MYOT: variants seen among roughly 807,000 people sequenced by gnomAD.
MYOT encodes the protein myotilin.
MYOT carries 36 observed loss-of-function variants against 58.0 expected under a neutral mutation model. The observed-to-expected ratio is 0.62, with a 90% confidence interval of 0.48 to 0.82. The LOEUF (loss-of-function observed/expected upper bound fraction) is 0.82, where lower values mean the gene tolerates loss of function less well. Ranked by LOEUF, MYOT falls within the 40% of genes least tolerant of loss-of-function variation. The pLI is 0.00. For synonymous variants in MYOT, 218 were observed against 204.6 expected (o/e 1.07, Z -0.56); for missense variants, 505 against 592.1 (o/e 0.85, Z 1.53).
chr5:137,885,006 A>G (rs1755551542), intron 7 of MYOT, among the ~76,000 whole-genome samples: 1 of 152,240 alleles, frequency 6.6e-6, no homozygotes, highest in Admixed American at 6.5e-5. Flanking sequence ...TCAAAAACAC[A>G]TACAATTTAA....
chr5:137,870,697 C>A lies in MYOT; in HGVS notation c.46C>A (p.Pro16Thr). 6.2e-7 allele frequency: 1 copy of A among 1,614,224 alleles called. No homozygotes were observed. Among genetic ancestry groups the A allele is most frequent in the Non-Finnish European group, 8.5e-7 (1 of 1,180,048 alleles). ...AAAACACTTCATCCAGTCCCAAAAC[C>A]CATGTGGCTCCAGATTGCAGCCTCC... is the stretch of plus-strand genomic sequence containing the variant. The part of the protein sequence containing the change: ...RPKHFIQSQN[P>T]CGSRLQPPGP... Residue 16 changes from proline to threonine, a missense_variant, in exon 2 of 10, where the codon CCA (proline) becomes ACA (threonine). Physicochemically the swap from Pro to Thr is conservative, Grantham distance 38 (BLOSUM62 -1). Coordinates refer to ENST00000239926, the MANE Select transcript of MYOT (RefSeq NM_006790.3).
intron 3 of MYOT, 134 bp downstream of exon 3, chr5:137,876,137 G>A (rs1334312937): frequency 8.5e-6 from 8 of 944,026 alleles, no homozygotes; most frequent in Non-Finnish European, 1.3e-5. Flanking sequence ...AGGAATATTT[G>A]GGCCCTATTC....
chr5:137,883,529 A>C lies in MYOT; in HGVS notation c.962A>C (p.Tyr321Ser). The change falls in exon 7 of 10, where the codon TAT becomes TCT. Residue 321 changes from tyrosine to serine, a missense_variant. By Grantham distance (144) the Tyr-to-Ser change is moderately radical. Coordinates refer to ENST00000239926, the MANE Select transcript of MYOT (RefSeq NM_006790.3). Reference sequence around the variant, plus strand: ...GTCAGAGCTTCAGATGCAGGGGCTTATGCATGTGTTGCCAAGAATAGAGCA... The same window carrying C: ...GTCAGAGCTTCAGATGCAGGGGCTTCTGCATGTGTTGCCAAGAATAGAGCA... The part of the protein sequence containing the change: ...EVVRASDAGA[Y>S]ACVAKNRAGE... 1 of 1,614,186 alleles carries C rather than the reference A, an allele frequency of 6.2e-7. No homozygotes were observed. The highest frequency in any genetic ancestry group is 8.5e-7 in the Non-Finnish European group (1 of 1,180,024).
chr5:137,885,099 C>T (rs1400830265), intron 7 of MYOT, among the ~76,000 whole-genome samples: 1 of 152,184 alleles, frequency 6.6e-6, no homozygotes, highest in Non-Finnish European at 1.5e-5. Flanking sequence ...ATCTTGGCTG[C>T]CATCCGTTTA....
intron 4 of MYOT, chr5:137,880,602 G>A: frequency 2.1e-6 from 1 of 483,592 alleles, no homozygotes; most frequent in East Asian, 3.6e-5. Context: ...AATAATACTT[G>A]TTGAATAGTC....
At chr5:137,879,516 C>CTTTT (rs34327276) in intron 4 of MYOT, among the ~76,000 whole-genome samples, 5 of 99,490 alleles carry the variant, frequency 5.0e-5, no homozygotes, top group African/African-American at 9.0e-5. Context: ...GATGGTTCAT[C>CTTTT]TTTTTTTTTT....
At chr5:137,876,184 G>C in intron 3 of MYOT, 181 bp downstream of exon 3, 1 of 640,216 alleles carries the variant, frequency 1.6e-6, no homozygotes, top group Non-Finnish European at 2.6e-6. Context: ...TTGGTTTACA[G>C]TAGTAAAAGA....
intron 9 of MYOT, 97 bp from the exon 10 acceptor site, chr5:137,887,116 G>A: frequency 1.3e-6 from 2 of 1,563,076 alleles, no homozygotes; most frequent in Non-Finnish European, 1.8e-6. Flanking sequence ...AATCAGTTTT[G>A]GTTCTTTTTT....
In MYOT at chr5:137,883,501, G is replaced by T. The variant is rs886043913; in HGVS notation, c.934G>T (p.Val312Leu). The part of the protein sequence containing the change: ...EKGLHSLIFE[V>L]VRASDAGAYA... ...GGGTCTTCATTCACTCATCTTTGAA[G>T]TAGTCAGAGCTTCAGATGCAGGGGC... is the stretch of plus-strand genomic sequence containing the variant. Residue 312 changes from valine to leucine, a missense_variant, in exon 7 of 10, where the codon GTA becomes TTA. Val to Leu is a conservative substitution (Grantham distance 32, BLOSUM62 1). Coordinates refer to ENST00000239926, the MANE Select transcript of MYOT (RefSeq NM_006790.3). 1.2e-6 allele frequency: 2 copies of T among 1,614,160 alleles called. No individual in the cohort carries two copies. Among genetic ancestry groups the T allele is most frequent in the Non-Finnish European group, 1.7e-6 (2 of 1,180,024 alleles).
At chr5:137,871,186 G>T (rs1443829351) in intron 2 of MYOT, among the ~76,000 whole-genome samples, 179 bp downstream of exon 2, 1 of 152,222 alleles carries the variant, frequency 6.6e-6, no homozygotes, top group East Asian at 1.9e-4. Context: ...CTGGCAATAA[G>T]AGGTCATCTG....
intron 1 of MYOT, among the ~76,000 whole-genome samples, chr5:137,868,911 G>A (rs1316973880): frequency 6.6e-6 from 1 of 152,044 alleles, no homozygotes; most frequent in Non-Finnish European, 1.5e-5. Flanking sequence ...CTAGTTTAAT[G>A]TATTTGTGTT....
At chr5:137,885,967 A>G (rs1755587882) in intron 7 of MYOT, 81 bp from the exon 8 acceptor site, 4 of 970,294 alleles carry the variant, frequency 4.1e-6, no homozygotes, top group Non-Finnish European at 6.2e-6. Context: ...ATATCAACAT[A>G]CAAATTTCAT....
At chr5:137,869,650 C>T (rs1754977612) in intron 1 of MYOT, among the ~76,000 whole-genome samples, 1 of 151,480 alleles carries the variant, frequency 6.6e-6, no homozygotes, top group South Asian at 2.1e-4. Flanking sequence ...AGTCTGAGAT[C>T]TCCAAAGGTG....
At chr5:137,881,533 A>G (rs1427466347) in intron 5 of MYOT, among the ~76,000 whole-genome samples, 1 of 152,110 alleles carries the variant, frequency 6.6e-6, no homozygotes, top group Non-Finnish European at 1.5e-5. Flanking sequence ...GCGTAGTGGC[A>G]CATGCCTGTA....
At chr5:137,873,223 TA>T (rs35417774) in intron 2 of MYOT, among the ~76,000 whole-genome samples, 27,140 of 145,230 alleles carry the variant, frequency 0.19, 2,536 homozygotes, top group African/African-American at 0.23. Flanking sequence ...CTAGCATTTT[TA>T]AAAAAAAAAA....
intron 8 of MYOT, 71 bp from the exon 9 acceptor site, chr5:137,886,792 AC>A: frequency 9.1e-7 from 1 of 1,094,700 alleles, no homozygotes; most frequent in Non-Finnish European, 1.4e-6. Flanking sequence ...TCCTAGTCTG[AC>A]TGTTGGTCAG....
At chr5:137,869,200 A>G (rs1043391929) in intron 1 of MYOT, among the ~76,000 whole-genome samples, 1 of 152,186 alleles carries the variant, frequency 6.6e-6, no homozygotes, top group Non-Finnish European at 1.5e-5. Flanking sequence ...AATTTGGTTA[A>G]TTTTTCAGTT....
chr5:137,882,430 A>G (rs1755465972), intron 6 of MYOT, among the ~76,000 whole-genome samples: 1 of 152,164 alleles, frequency 6.6e-6, no homozygotes, highest in Non-Finnish European at 1.5e-5. Context: ...TCAGAACAAT[A>G]TAATTTTTAA....
chr5:137,885,756 A>T, intron 7 of MYOT, among the ~76,000 whole-genome samples: 1 of 132,830 alleles, frequency 7.5e-6, no homozygotes, highest in African/African-American at 2.8e-5. Flanking sequence ...TGGGCAAAAG[A>T]GCGAGACTCT....
Sources: allele counts gnomAD v4.1 joint callset (sites outside exome capture counted in the v4.1 genomes callset), GRCh38; gene constraint gnomAD v4.1.1; transcripts MANE v1.5; gene names NCBI Gene and HGNC (gene_info 2026-07-23, HGNC 2026-07-21).